Variants in PUM2 observed in about 807,000 individuals in gnomAD.
The protein encoded by PUM2 is pumilio homolog 2.
PUM2 carries 57 observed loss-of-function variants against 124.5 expected under a neutral mutation model. The ratio of observed to expected loss-of-function variants is 0.46; its 90% confidence interval spans 0.37 to 0.57. PUM2 has a LOEUF of 0.57. Among genes scored for constraint, PUM2 ranks in the 20% least tolerant of loss-of-function variants. The pLI is 0.00. For missense variants in PUM2, 1,065 were observed against 1,290.6 expected, an observed-to-expected ratio of 0.83 and a Z score of 2.68; for synonymous variants, 460 against 446.1, an observed-to-expected ratio of 1.03 and a Z score of -0.39.
At chr2:20,252,948 T>TGTA (rs768652050) in intron 20 of PUM2, among the ~76,000 whole-genome samples, 1 of 152,234 alleles carries the variant, frequency 6.6e-6, no homozygotes, top group Non-Finnish European at 1.5e-5. Flanking sequence ...GCACTTACAC[T>TGTA]GTATTAGGTA....
upstream of PUM2, chr2:20,350,909 G>A (rs1689262050): frequency 2.0e-6 from 1 of 508,588 alleles, no homozygotes; most frequent in Non-Finnish European, 2.5e-6. Flanking sequence ...CGCTCACCAA[G>A]GCGCGGCTCC....
Position 20,312,348 on chromosome 2 carries a change from G to C in PUM2, c.236C>G (p.Ala79Gly), listed in dbSNP as rs2148611548. 6.2e-7 allele frequency: 1 copy of C among 1,613,504 alleles called. No homozygotes were observed. Among genetic ancestry groups the C allele is most frequent in the East Asian group, 2.2e-5 (1 of 44,850 alleles). The change falls in exon 4 of 21, where the codon GCA becomes GGA. Residue 79 changes from alanine to glycine, a missense_variant. Physicochemically the swap from Ala to Gly is moderately conservative, Grantham distance 60. Around this residue, in one of 3 missense-constraint regions of PUM2, gnomAD observed 90 missense variants for 103.6 expected, o/e 0.87. Coordinates refer to ENST00000361078, the MANE Select transcript of PUM2 (RefSeq NM_015317.5). Reference protein sequence around the residue: ...QGFHGNSEVNAILSPRSESGG... With the variant: ...QGFHGNSEVNGILSPRSESGG... ...ACTTTCTGATCGCGGAGACAGTATT[G>C]CATTTACTTCACTGTTTCCATGAAA...
At chr2:20,309,676 T>C (rs1227177549) in intron 5 of PUM2, among the ~76,000 whole-genome samples, 1 of 152,172 alleles carries the variant, frequency 6.6e-6, no homozygotes, top group Non-Finnish European at 1.5e-5. Context: ...TCACAGGATA[T>C]TCAAACTTGA....
At chr2:20,349,863 A>G (rs1688963831) in intron 1 of PUM2, among the ~76,000 whole-genome samples, 1 of 152,230 alleles carries the variant, frequency 6.6e-6, no homozygotes, top group Non-Finnish European at 1.5e-5. Flanking sequence ...CGTATGTTAG[A>G]ATAAAAAGCT....
chr2:20,304,175 G>T (rs562552632), intron 7 of PUM2, among the ~76,000 whole-genome samples: 1 of 152,224 alleles, frequency 6.6e-6, no homozygotes, highest in South Asian at 2.1e-4. Context: ...AACCCCCAAA[G>T]CCTGAACTGC....
chr2:20,321,490 C>T (rs569959737), intron 2 of PUM2, among the ~76,000 whole-genome samples: 2 of 152,204 alleles, frequency 1.3e-5, no homozygotes, highest in South Asian at 4.1e-4. Context: ...AAGGCCTTCA[C>T]TGATATTCTA....
intron 1 of PUM2, among the ~76,000 whole-genome samples, chr2:20,345,394 GCCACGTGCCCACA>G (rs1157017760): frequency 6.6e-6 from 1 of 152,096 alleles, no homozygotes; most frequent in Non-Finnish European, 1.5e-5. Flanking sequence ...ACAGGCATGG[GCCACGTGCCCACA>G]CCACAGCACT....
At chr2:20,320,037 A>T (rs557593910) in intron 2 of PUM2, among the ~76,000 whole-genome samples, 1 of 152,068 alleles carries the variant, frequency 6.6e-6, no homozygotes, top group Admixed American at 6.5e-5. Context: ...GGAGGCCTAG[A>T]CAGGTGGATC....
At chr2:20,273,142 A>G (rs967117169) in intron 13 of PUM2, among the ~76,000 whole-genome samples, 1 of 152,210 alleles carries the variant, frequency 6.6e-6, no homozygotes, top group African/African-American at 2.4e-5. Flanking sequence ...TGCCAGCTAC[A>G]AATTATTTCA....
intron 12 of PUM2, among the ~76,000 whole-genome samples, chr2:20,280,153 G>A (rs115493902): frequency 0.012 from 1,882 of 152,116 alleles, 37 homozygotes; most frequent in African/African-American, 0.041. Context: ...ACTTAATTAC[G>A]TTGGTTTTGC....
chr2:20,288,027 T>C (rs1673123362), intron 10 of PUM2, among the ~76,000 whole-genome samples: 3 of 152,184 alleles, frequency 2.0e-5, no homozygotes, highest in South Asian at 2.1e-4. Flanking sequence ...ACAGGGATAA[T>C]AGTTGAAAGG....
Position 20,327,646 on chromosome 2 carries a change from T to A in PUM2, c.-18-268A>T, listed in dbSNP as rs145310974. 2.7e-3 allele frequency among the ~76,000 whole-genome samples: 414 copies of A among 152,268 alleles called. 1 individual carries two copies. Among genetic ancestry groups the A allele is most frequent in the African/African-American group, 9.1e-3 (377 of 41,562 alleles). On this transcript the variant is annotated intron_variant, in intron 1 of 20. Transcript: ENST00000361078. ...TGAAAAACAATTAAAGCCCAGAAAC[T>A]GGAGAACAGTCTATACTTTAAAGAA...
At chr2:20,251,866 G>A (rs1663439607) in intron 20 of PUM2, 150 bp from the exon 21 acceptor site, 1 of 844,856 alleles carries the variant, frequency 1.2e-6, no homozygotes, top group Non-Finnish European at 1.8e-6. Context: ...AAAAGCAGTT[G>A]TGATCTGCTC....
intron 7 of PUM2, among the ~76,000 whole-genome samples, chr2:20,305,264 T>A (rs1315406537): frequency 6.6e-6 from 1 of 151,876 alleles, no homozygotes; most frequent in African/African-American, 2.4e-5. Flanking sequence ...TCAGGTGGAT[T>A]ACTTGAGCCC....
At chr2:20,308,636 G>C in intron 5 of PUM2, 52 bp from the exon 6 acceptor site, 1 of 1,489,704 alleles carries the variant, frequency 6.7e-7, no homozygotes, top group South Asian at 1.3e-5. Flanking sequence ...AAGTCAAATA[G>C]CGAAATGGGA....
rs906254571 is a variant in PUM2, at chr2:20,348,192, G to GAA, written c.-19+2403_-19+2404dup. Among the ~76,000 whole-genome samples, 8 of 150,106 alleles carry GAA rather than the reference G, an allele frequency of 5.3e-5. No homozygotes were observed. In the East Asian group the frequency reaches 1.5e-3, roughly 29 times the overall value. ...TAATAATAATAATAATAATAATAAA[G>GAA]AAAAAAAGCAAGAAATCTTAATATG... On this transcript the variant is annotated intron_variant, in intron 1 of 20. Transcript: ENST00000361078.
chr2:20,263,560 C>G, intron 13 of PUM2, 100 bp from the exon 14 acceptor site: 1 of 1,345,512 alleles, frequency 7.4e-7, no homozygotes, highest in Non-Finnish European at 1.0e-6. Flanking sequence ...GAAATATTTC[C>G]CCCCACTAAT....
chr2:20,297,869 C>T lies in PUM2; in HGVS notation c.884-191G>A, dbSNP rs140534062. On this transcript the variant is annotated intron_variant, in intron 7 of 20. Coordinates refer to ENST00000361078, the MANE Select transcript of PUM2 (RefSeq NM_015317.5). ...TCTAAATTAGTTTTCATTTAAGAAA[C>T]AGCTGTTTTGCAGAATTGCTGTGAG... is the stretch of plus-strand genomic sequence containing the variant. Among the ~76,000 whole-genome samples, 561 of 152,272 alleles carry T rather than the reference C, an allele frequency of 3.7e-3. 7 individuals carry two copies. Among genetic ancestry groups the T allele is most frequent in the African/African-American group, 0.013 (547 of 41,536 alleles).
chr2:20,282,324 T>C (rs1249504200), intron 12 of PUM2, among the ~76,000 whole-genome samples: 1 of 152,210 alleles, frequency 6.6e-6, no homozygotes, highest in African/African-American at 2.4e-5. Flanking sequence ...TTAAGTGTTA[T>C]ATAAAGCTAA....
Sources: gnomAD v4.1 joint callset for allele counts (sites outside exome capture counted in the v4.1 genomes callset) on GRCh38, gnomAD v4.1.1 for gene constraint, gnomAD v4.1.1 regional missense constraint, MANE v1.5 for transcripts, NCBI Gene and HGNC (gene_info 2026-07-23, HGNC 2026-07-21) for gene names.